TENM3: variants seen among roughly 807,000 people sequenced by gnomAD.
TENM3 encodes teneurin transmembrane protein 3.
In TENM3, 63 loss-of-function variants were observed where a neutral mutation model predicts 255.1. The ratio of observed to expected loss-of-function variants is 0.25; its 90% CI spans 0.20 to 0.30. TENM3 has a LOEUF of 0.30. TENM3 is among the 10% of genes least tolerant of loss of function. TENM3 has a pLI of 1.00. For synonymous variants in TENM3, 1,306 were observed against 1,322.3 expected (o/e 0.99, Z 0.27); for missense variants, 2,929 against 3,461.1 (o/e 0.85, Z 3.86).
At chr4:181,986,784 G>A in the TENM3 span, among the ~76,000 whole-genome samples, 1 of 152,018 alleles carries the variant, frequency 6.6e-6, no homozygotes, top group African/African-American at 2.4e-5. Context: ...AGGATTAAGA[G>A]TGAACATAGG....
At chr4:182,094,956 AG>A in the TENM3 span, among the ~76,000 whole-genome samples, 4,191 of 80,842 alleles carry the variant, frequency 0.052, 80 homozygotes, top group Middle Eastern at 0.085. Flanking sequence ...AAAAAAAAAA[AG>A]GAAATTTTTA....
In TENM3 at chr4:182,680,441, G is replaced by A. The variant is rs11934254; in HGVS notation, c.1639+92G>A. The stretch of plus-strand genomic sequence containing the variant: ...AACTACCGAGACAGGAAAGAAAGGG[G>A]GGGGGAGACTGGCATATTGCTTGTT... On this transcript the variant is annotated intron_variant, in intron 9 of 27. Transcript: ENST00000511685. The A allele has an allele frequency of 0.28, 387,771 of 1,400,740 alleles. 61,556 individuals carry two copies. The highest frequency in any genetic ancestry group is 0.64 in the East Asian group (28,158 of 43,744). The allele number at this position is 1,400,740 out of a possible 1,614,324, so 86.8% of individuals were successfully genotyped here.
chr4:182,110,063 G>A, the TENM3 span, among the ~76,000 whole-genome samples: 15 of 147,692 alleles, frequency 1.0e-4, no homozygotes, highest in Admixed American at 7.5e-4. Flanking sequence ...GCAGTGAGCC[G>A]AGATCATGCC....
At chr4:182,603,413 A>G (rs889427082) in intron 4 of TENM3, among the ~76,000 whole-genome samples, 7 of 152,136 alleles carry the variant, frequency 4.6e-5, no homozygotes, top group South Asian at 2.1e-4. Context: ...AATCTGCAGT[A>G]TAGTTTTGTT....
the TENM3 span, among the ~76,000 whole-genome samples, chr4:181,901,799 A>T: frequency 1.3e-5 from 2 of 152,140 alleles, no homozygotes; most frequent in African/African-American, 4.8e-5. Flanking sequence ...CAGCAAAAAT[A>T]CCGGGTATGT....
chr4:182,771,823 G>A (rs1268317057), intron 22 of TENM3, among the ~76,000 whole-genome samples: 2 of 152,114 alleles, frequency 1.3e-5, no homozygotes, highest in Non-Finnish European at 2.9e-5. Flanking sequence ...TTGGGTTGGT[G>A]GGGAGGACAT....
chr4:182,048,420 C>T, the TENM3 span, among the ~76,000 whole-genome samples: 7,806 of 152,134 alleles, frequency 0.051, 235 homozygotes, highest in Middle Eastern at 0.072. Context: ...TTAATCCAAA[C>T]ACATAGATAT....
At chr4:181,975,353 T>C in the TENM3 span, 1 of 152,006 alleles carries the variant, frequency 6.6e-6, no homozygotes, top group East Asian at 1.9e-4. Flanking sequence ...GGCCAAGCTG[T>C]TCTCCAACTC....
Position 182,714,075 on chromosome 4 carries a change from T to G in TENM3, c.2222-12T>G, listed in dbSNP as rs1758960200. ...CTCAAATCACTGGTGTTTTCCTTCT[T>G]TGTCTCGACAGAGGGTTGTCCTGGT... On this transcript the variant is annotated splice_polypyrimidine_tract_variant and intron_variant, in intron 12 of 27. Transcript: ENST00000511685. 6.2e-7 allele frequency: 1 copy of G among 1,610,938 alleles called. No homozygotes were observed. Among genetic ancestry groups the G allele is most frequent in the African/African-American group, 1.3e-5 (1 of 74,886 alleles).
intron 22 of TENM3, among the ~76,000 whole-genome samples, chr4:182,763,983 A>G (rs975450530): frequency 6.6e-6 from 1 of 152,226 alleles, no homozygotes; most frequent in Middle Eastern, 3.2e-3. Context: ...TTAATGTTTA[A>G]AGTGTACCCC....
the TENM3 span, among the ~76,000 whole-genome samples, chr4:181,487,676 A>G: frequency 4.6e-5 from 7 of 152,184 alleles, no homozygotes; most frequent in Admixed American, 4.6e-4. Context: ...AGAGACACAA[A>G]CATTCAGATC....
the TENM3 span, among the ~76,000 whole-genome samples, chr4:181,727,562 T>C: frequency 6.6e-6 from 1 of 152,218 alleles, no homozygotes. Context: ...CTCATTCACA[T>C]AATCTGTTGA....
chr4:182,416,448 T>C (rs1770366407), intron 3 of TENM3, among the ~76,000 whole-genome samples: 1 of 152,144 alleles, frequency 6.6e-6, no homozygotes, highest in Non-Finnish European at 1.5e-5. Flanking sequence ...AAACCTTTAA[T>C]AGAGCTCTAA....
intron 7 of TENM3, among the ~76,000 whole-genome samples, chr4:182,677,396 G>A (rs746459521): frequency 1.3e-4 from 20 of 152,024 alleles, no homozygotes; most frequent in Non-Finnish European, 2.5e-4. Context: ...AATTCCTCCC[G>A]TTCACTTTTT....
At chr4:181,785,484 A>G in the TENM3 span, among the ~76,000 whole-genome samples, 1 of 152,120 alleles carries the variant, frequency 6.6e-6, no homozygotes, top group East Asian at 1.9e-4. Flanking sequence ...TTGGCCTTGA[A>G]TTGACGCGTA....
At chr4:181,985,212 A>G in the TENM3 span, among the ~76,000 whole-genome samples, 1 of 151,966 alleles carries the variant, frequency 6.6e-6, no homozygotes, top group African/African-American at 2.4e-5. Flanking sequence ...AATACTCATA[A>G]AAGAAAAAAA....
chr4:182,535,303 G>T (rs1247886422), intron 3 of TENM3, among the ~76,000 whole-genome samples: 2 of 152,104 alleles, frequency 1.3e-5, no homozygotes, highest in Non-Finnish European at 2.9e-5. Context: ...TTTGATACTT[G>T]TTCTGAAATT....
At position 182,535,226 on chromosome 4, in the gene TENM3, A is replaced by G. The variant is rs540663737; in HGVS notation, c.512-65698A>G. Among the ~76,000 whole-genome samples the G allele has an allele frequency of 2.6e-5, 4 of 152,350 alleles. No individual in the cohort carries two copies. In the East Asian group the frequency reaches 7.7e-4, roughly 29 times the overall value. The stretch of plus-strand genomic sequence containing the variant: ...AATGTGTTCATCTTTCCTATGGAAA[A>G]TAAATTCTCAGTGAGACTGCTTACT... On this transcript the variant is annotated intron_variant, in intron 3 of 27. Coordinates refer to ENST00000511685, the MANE Select transcript of TENM3 (RefSeq NM_001080477.4).
intron 12 of TENM3, among the ~76,000 whole-genome samples, chr4:182,693,828 T>A (rs949162379): frequency 6.6e-6 from 1 of 152,206 alleles, no homozygotes; most frequent in Admixed American, 6.5e-5. Flanking sequence ...TACTAGAATG[T>A]AAAGCATTTA....
Sources: allele counts gnomAD v4.1 joint callset (sites outside exome capture counted in the v4.1 genomes callset), GRCh38; gene constraint gnomAD v4.1.1; transcripts MANE v1.5; gene names NCBI Gene and HGNC (gene_info 2026-07-23, HGNC 2026-07-21).